The following LRP5 variants were observed in gnomAD, a reference collection of about 807,000 sequenced individuals.
LRP5 encodes low-density lipoprotein receptor-related protein 5.
Under a neutral mutation model 154.1 loss-of-function variants are expected in LRP5, and 62 were observed. The ratio of observed to expected loss-of-function variants is 0.40; its 90% CI spans 0.33 to 0.50. LRP5 has a LOEUF of 0.50. Ranked by LOEUF, LRP5 falls within the 20% of genes least tolerant of loss-of-function variation. The probability of loss-of-function intolerance (pLI) is 0.55; values close to 1 mark genes in which losing one functional copy is unlikely to be tolerated. For missense variants in LRP5, 1,915 were observed against 2,336.7 expected, an observed-to-expected ratio of 0.82 and a Z score of 3.72; for synonymous variants, 966 against 1,011.5, an observed-to-expected ratio of 0.96 and a Z score of 0.85.
chr11:68,301,134 G>A, the LRP5 span, among the ~76,000 whole-genome samples: 13 of 148,644 alleles, frequency 8.7e-5, no homozygotes, highest in African/African-American at 3.2e-4. Context: ...GTTACACCAT[G>A]TTGGCCAGGC....
chr11:68,444,263 C>A (rs1401803247), intron 21 of LRP5, among the ~76,000 whole-genome samples: 1 of 152,102 alleles, frequency 6.6e-6, no homozygotes. Flanking sequence ...ACCTGTCATC[C>A]CAGCACTTTG....
intron 7 of LRP5, among the ~76,000 whole-genome samples, chr11:68,394,853 A>G (rs2098648387): frequency 6.6e-6 from 1 of 152,226 alleles, no homozygotes; most frequent in Non-Finnish European, 1.5e-5. Flanking sequence ...CTTACAGGCC[A>G]TGGTGCTGGA....
chr11:68,321,058 G>GTTTTTTTTT (rs36049256), intron 1 of LRP5, among the ~76,000 whole-genome samples: 5 of 119,798 alleles, frequency 4.2e-5, no homozygotes, highest in Non-Finnish European at 6.7e-5. Context: ...TTCTGTCTGG[G>GTTTTTTTTT]TTTTTTTTTT....
At chr11:68,404,278 G>A (rs147879658) in intron 8 of LRP5, 55 of 529,410 alleles carry the variant, frequency 1.0e-4, no homozygotes, top group Middle Eastern at 5.7e-4. Flanking sequence ...ACAGGCCTGG[G>A]GCTCGCGGGC....
At position 68,406,962 on chromosome 11, in the gene LRP5, T is replaced by TAAA. The variant is rs58524064; in HGVS notation, c.2091+158_2091+160dup. 2,030 of 582,348 alleles carry TAAA rather than the reference T, an allele frequency of 3.5e-3. 2 individuals are homozygous for TAAA. Among genetic ancestry groups the TAAA allele is most frequent in the Middle Eastern group, 0.015 (31 of 2,110 alleles). The allele number at this position is 582,348 out of a possible 1,614,324, so 36.1% of individuals were successfully genotyped here. On this transcript the variant is annotated intron_variant, in intron 9 of 22. Coordinates refer to ENST00000294304, the MANE Select transcript of LRP5 (RefSeq NM_002335.4). Reference sequence around the variant, plus strand: ...CTAATCAAATATGAGCAAGCCTATTTAAAAAAAAAAAGATGATTATAATGA... The same window carrying TAAA: ...CTAATCAAATATGAGCAAGCCTATTTAAAAAAAAAAAAAAGATGATTATAATGA...
At chr11:68,419,431 C>T (rs755709841) in intron 13 of LRP5, among the ~76,000 whole-genome samples, 68 of 151,920 alleles carry the variant, frequency 4.5e-4, no homozygotes, top group Non-Finnish European at 7.6e-4. Flanking sequence ...TGTAGAGACC[C>T]GCTATGTTGC....
intron 18 of LRP5, among the ~76,000 whole-genome samples, chr11:68,435,063 CCATT>C (rs748381146): frequency 2.2e-4 from 33 of 152,202 alleles, no homozygotes; most frequent in Admixed American, 3.9e-4. Context: ...ACAGCCATGC[CCATT>C]CATTCATTTG....
At chr11:68,446,737 A>C (rs2098681631) in intron 22 of LRP5, among the ~76,000 whole-genome samples, 1 of 152,222 alleles carries the variant, frequency 6.6e-6, no homozygotes, top group Non-Finnish European at 1.5e-5. Context: ...TGTTGGGTTC[A>C]GAAATCAGCA....
At chr11:68,362,856 G>A (rs978224799) in intron 3 of LRP5, among the ~76,000 whole-genome samples, 1 of 152,228 alleles carries the variant, frequency 6.6e-6, no homozygotes, top group Non-Finnish European at 1.5e-5. Context: ...CCTGGCAACT[G>A]TGCTGAGGGC....
At chr11:68,422,693 C>T (rs1251954377) in intron 13 of LRP5, among the ~76,000 whole-genome samples, 1 of 152,088 alleles carries the variant, frequency 6.6e-6, no homozygotes, top group African/African-American at 2.4e-5. Context: ...CGTGGCTGCC[C>T]TGCCTTCCCA....
chr11:68,409,843 T>G (rs1187321461), intron 9 of LRP5, 71 bp from the exon 10 acceptor site: 28 of 1,226,726 alleles, frequency 2.3e-5, no homozygotes, highest in Non-Finnish European at 3.0e-5. Flanking sequence ...AGAGCGAAAC[T>G]CCGTCTCAAA....
intron 5 of LRP5, among the ~76,000 whole-genome samples, chr11:68,374,679 T>A (rs1216786308): frequency 2.0e-5 from 3 of 152,144 alleles, no homozygotes; most frequent in Non-Finnish European, 4.4e-5. Flanking sequence ...TTTGCCATCC[T>A]CAACCCCCGC....
At chr11:68,389,592 A>G (rs1192554724) in intron 6 of LRP5, among the ~76,000 whole-genome samples, 2 of 152,002 alleles carry the variant, frequency 1.3e-5, no homozygotes. Flanking sequence ...ACCAACACTG[A>G]CATTTACCGA....
chr11:68,301,179 A>G, the LRP5 span, among the ~76,000 whole-genome samples: 1 of 149,212 alleles, frequency 6.7e-6, no homozygotes, highest in Non-Finnish European at 1.5e-5. Flanking sequence ...TGATCCGCCT[A>G]CCTTGGCCTC....
In LRP5 at chr11:68,386,730, TG is replaced by T; in HGVS notation, c.1412+22del. The T allele has an allele frequency of 6.2e-7, 1 of 1,608,042 alleles. No homozygotes were observed. Among genetic ancestry groups the T allele is most frequent in the Non-Finnish European group, 8.5e-7 (1 of 1,177,342 alleles). ...GTGATGGGGTAAGACGGGCGGGGGCTGGGGCCTGGAGCCAGGGCCAGGCCAA... is the reference window on the plus strand; with the variant it reads ...GTGATGGGGTAAGACGGGCGGGGGCTGGGCCTGGAGCCAGGGCCAGGCCAA... On this transcript the variant is annotated intron_variant, in intron 6 of 22. Coordinates refer to ENST00000294304, the MANE Select transcript of LRP5 (RefSeq NM_002335.4). This position sits in a 1 kb window ranked among gnomAD's most constrained non-coding sequence, Gnocchi z 7.9.
chr11:68,410,896 G>C (rs1346022656), intron 10 of LRP5, among the ~76,000 whole-genome samples: 1 of 152,090 alleles, frequency 6.6e-6, no homozygotes, highest in Non-Finnish European at 1.5e-5. Flanking sequence ...AACAGAAAGA[G>C]GTCCAGGTTT....
At chr11:68,321,284 C>G (rs1194475732) in intron 1 of LRP5, among the ~76,000 whole-genome samples, 2 of 152,168 alleles carry the variant, frequency 1.3e-5, no homozygotes, top group East Asian at 1.9e-4. Context: ...GTCTCCATCT[C>G]TGAAGCATCA....
intron 2 of LRP5, among the ~76,000 whole-genome samples, chr11:68,356,143 CTTT>C (rs35481601): frequency 6.0e-5 from 8 of 133,250 alleles, no homozygotes; most frequent in Non-Finnish European, 3.2e-5. Flanking sequence ...CGCACCCAGC[CTTT>C]TTTTTTTTTT....
At chr11:68,402,799 C>G (rs1353407621) in intron 7 of LRP5, among the ~76,000 whole-genome samples, 2 of 152,252 alleles carry the variant, frequency 1.3e-5, no homozygotes, top group Admixed American at 1.3e-4. Flanking sequence ...CAGCCGCTGC[C>G]TGTCAGCCTG....
Sources: allele counts gnomAD v4.1 joint callset (sites outside exome capture counted in the v4.1 genomes callset), GRCh38; gene constraint gnomAD v4.1.1; non-coding constraint Gnocchi (gnomAD v3.1); transcripts MANE v1.5; gene names NCBI Gene and HGNC (gene_info 2026-07-23, HGNC 2026-07-21).